GPSM2: variants seen among roughly 807,000 people sequenced by gnomAD.
GPSM2 encodes the protein G protein signaling modulator 2, also known as G protein-signaling modulator 2.
GPSM2 carries 58 observed loss-of-function variants against 78.4 expected under a neutral mutation model. The ratio of observed to expected loss-of-function variants is 0.74; its 90% confidence interval spans 0.60 to 0.92. The LOEUF (loss-of-function observed/expected upper bound fraction) is 0.92. GPSM2 is among the 40% of genes least tolerant of loss of function. GPSM2 has a pLI of 0.00. For missense variants in GPSM2, 700 were observed against 815.5 expected (o/e 0.86, Z 1.73); for synonymous variants, 224 against 280.2 (o/e 0.80, Z 2.00).
intron 1 of GPSM2, among the ~76,000 whole-genome samples, chr1:108,882,175 T>C (rs1197888366): frequency 6.6e-6 from 1 of 152,202 alleles, no homozygotes; most frequent in African/African-American, 2.4e-5. Context: ...GGTCTTGAAC[T>C]GTTGGTCTCA....
intron 2 of GPSM2, among the ~76,000 whole-genome samples, chr1:108,887,772 C>T (rs772241992): frequency 2.0e-5 from 3 of 152,168 alleles, no homozygotes; most frequent in Non-Finnish European, 4.4e-5. Context: ...TACCCCCATC[C>T]GTGTGTGGAG....
chr1:108,923,346 T>C (rs982002203), intron 13 of GPSM2, among the ~76,000 whole-genome samples: 1 of 152,014 alleles, frequency 6.6e-6, no homozygotes, highest in African/African-American at 2.4e-5. Context: ...AATATAACTT[T>C]TAAAAATAAA....
intron 2 of GPSM2, among the ~76,000 whole-genome samples, chr1:108,894,013 C>T (rs1327818632): frequency 2.0e-5 from 3 of 151,956 alleles, no homozygotes; most frequent in African/African-American, 7.3e-5. Context: ...CATTGCGCTC[C>T]AGCCTGGGTG....
chr1:108,897,843 G>A, intron 4 of GPSM2, 116 bp from the exon 5 acceptor site: 1 of 1,030,384 alleles, frequency 9.7e-7, no homozygotes, highest in Non-Finnish European at 1.5e-6. Flanking sequence ...GTTCTGTATG[G>A]AGAGCCAATA....
At chr1:108,886,164 G>C (rs1383724501) in intron 2 of GPSM2, among the ~76,000 whole-genome samples, 1 of 152,088 alleles carries the variant, frequency 6.6e-6, no homozygotes, top group African/African-American at 2.4e-5. Context: ...AGAGTAGCAG[G>C]AACTACAGGT....
At chr1:108,900,877 C>T (rs893194692) in intron 7 of GPSM2, among the ~76,000 whole-genome samples, 15 of 151,850 alleles carry the variant, frequency 9.9e-5, no homozygotes, top group Admixed American at 2.6e-4. Context: ...ATCACGTTAC[C>T]GCATAGTAAT....
In GPSM2 at chr1:108,898,677, G is replaced by A. The variant is rs371700490; in HGVS notation, c.593G>A (p.Arg198Gln). 34 of 1,613,526 alleles carry A rather than the reference G, an allele frequency of 2.1e-5. No homozygotes were observed. Among genetic ancestry groups the A allele is most frequent in the Middle Eastern group, 3.3e-4 (2 of 6,058 alleles). Reference sequence around the variant, plus strand: ...TCATTAGTGACTGCTTTGGGTGACCGAGCGGCACAAGGACGTGCCTTTGGA... The same window carrying A: ...TCATTAGTGACTGCTTTGGGTGACCAAGCGGCACAAGGACGTGCCTTTGGA... Reference protein sequence around the residue: ...NLSLVTALGDRAAQGRAFGNL... With the variant: ...NLSLVTALGDQAAQGRAFGNL... The change falls in exon 6 of 15, where the codon CGA (arginine) becomes CAA (glutamine). Residue 198 changes from arginine to glutamine, a missense_variant. Transcript: ENST00000264126.
At chr1:108,878,843 T>C (rs1369952147) in intron 1 of GPSM2, among the ~76,000 whole-genome samples, 1 of 152,236 alleles carries the variant, frequency 6.6e-6, no homozygotes, top group Non-Finnish European at 1.5e-5. Flanking sequence ...TTTAGGTAAG[T>C]GTCATTATGC....
chr1:108,929,591 C>A, intron 14 of GPSM2, 110 bp from the exon 15 acceptor site: 4 of 917,320 alleles, frequency 4.4e-6, no homozygotes, highest in Non-Finnish European at 5.3e-6. Flanking sequence ...TCTGAGAAGC[C>A]CCAAATAAAA....
At chr1:108,921,810 G>C (rs1410946584) in intron 12 of GPSM2, among the ~76,000 whole-genome samples, 1 of 151,780 alleles carries the variant, frequency 6.6e-6, no homozygotes, top group Non-Finnish European at 1.5e-5. Context: ...TCCTCCTCAG[G>C]CCCGTAACAT....
At chr1:108,909,336 A>C (rs1401644807) in intron 10 of GPSM2, among the ~76,000 whole-genome samples, 1 of 152,214 alleles carries the variant, frequency 6.6e-6, no homozygotes, top group Admixed American at 6.5e-5. Flanking sequence ...ACATTTACAG[A>C]AAACTGACAA....
chr1:108,882,512 AG>A (rs1011029444), intron 1 of GPSM2: 7 of 152,208 alleles, frequency 4.6e-5, no homozygotes, highest in Admixed American at 3.3e-4. Context: ...CATGTTCAGT[AG>A]AGACACAACT....
chr1:108,901,122 A>G (rs576813941), intron 7 of GPSM2, among the ~76,000 whole-genome samples: 7 of 152,332 alleles, frequency 4.6e-5, no homozygotes, highest in African/African-American at 1.7e-4. Context: ...ATAAGAAGAG[A>G]CTGGTATACA....
rs1192915307 is a variant in GPSM2, at chr1:108,929,768, A to G, written c.1883A>G (p.Asp628Gly). 1 of 1,613,772 alleles carries G rather than the reference A, an allele frequency of 6.2e-7. No homozygotes were observed. Among genetic ancestry groups the G allele is most frequent in the Admixed American group, 1.7e-5 (1 of 60,028 alleles). ...ACCACAAAGGGTCCGACAGTACCAG[A>G]TGAAGACTTTTTCAGCCTTATTTTA... ...PATTKGPTVPDEDFFSLILRS... is the reference protein window; with the variant it reads ...PATTKGPTVPGEDFFSLILRS... Residue 628 changes from aspartate (D) to glycine (G), a missense_variant, in exon 15 of 15, where the codon GAT (aspartate) becomes GGT (glycine). Coordinates refer to ENST00000264126, the MANE Select transcript of GPSM2 (RefSeq NM_013296.5).
Position 108,897,039 on chromosome 1 carries a change from T to A in GPSM2, c.232T>A (p.Tyr78Asn). The change falls in exon 3 of 15, where the codon TAT (tyrosine) becomes AAT (asparagine). Residue 78 changes from tyrosine to asparagine, a missense_variant. Tyr to Asn is a moderately radical substitution (Grantham distance 143). Coordinates refer to ENST00000264126, the MANE Select transcript of GPSM2 (RefSeq NM_013296.5). The stretch of plus-strand genomic sequence containing the variant: ...CAATGCTTATTTCTATTTGCATGAT[T>A]ATGCCAAAGCATTAGAATATCACCA... ...LGNAYFYLHD[Y>N]AKALEYHHHD... is the part of the protein sequence containing the mutation. 1 of 1,613,512 alleles carries A rather than the reference T, an allele frequency of 6.2e-7. No homozygotes were observed. Among genetic ancestry groups the A allele is most frequent in the East Asian group, 2.2e-5 (1 of 44,884 alleles).
In GPSM2 at chr1:108,931,642, A is replaced by AAAAGTT; in HGVS notation, c.*1703_*1704insAAGTTA. The AAAAGTT allele has an allele frequency of 3.8e-6, 4 of 1,064,302 alleles. No individual in the cohort carries two copies. Among genetic ancestry groups the AAAAGTT allele is most frequent in the Non-Finnish European group, 5.1e-6 (4 of 778,536 alleles). 65.9% of individuals were successfully genotyped at this position (1,064,302 alleles called of 1,614,324 possible). On this transcript the variant is annotated 3_prime_UTR_variant, in exon 15 of 15. Coordinates refer to ENST00000264126, the MANE Select transcript of GPSM2 (RefSeq NM_013296.5). The stretch of plus-strand genomic sequence containing the variant: ...AAGTGCTCAGCTAAAAAAAAAAAAA[A>AAAAGTT]AGTTCTAAATTACAACCTGGATTAC...
At chr1:108,880,913 G>A (rs1242353423) in intron 1 of GPSM2, among the ~76,000 whole-genome samples, 4 of 152,150 alleles carry the variant, frequency 2.6e-5, no homozygotes, top group Admixed American at 2.6e-4. Flanking sequence ...AGATAAATTC[G>A]AAGAAGCACA....
intron 1 of GPSM2, chr1:108,877,870 A>C (rs1665709480): frequency 6.6e-6 from 1 of 152,228 alleles, no homozygotes; most frequent in Non-Finnish European, 1.5e-5. Flanking sequence ...TTTAATAGTA[A>C]CCAGTTAGAG....
Position 108,897,029 on chromosome 1 carries a change from T to G in GPSM2, c.222T>G (p.Tyr74Ter), listed in dbSNP as rs767499792. ...IYSQLGNAYF[Y>*]LHDYAKALEY... is the part of the protein sequence containing the mutation. ...GCCAGTTGGGCAATGCTTATTTCTA[T>G]TTGCATGATTATGCCAAAGCATTAG... Residue 74 changes from tyrosine to a stop codon, truncating the protein, a stop_gained, in exon 3 of 15, where the codon TAT (tyrosine) becomes TAG (stop). Transcript: ENST00000264126. LOFTEE classifies it high-confidence loss of function. The G allele has an allele frequency of 6.2e-7, 1 of 1,613,842 alleles. No individual in the cohort carries two copies. Among genetic ancestry groups the G allele is most frequent in the Non-Finnish European group, 8.5e-7 (1 of 1,179,768 alleles).
Sources: gnomAD v4.1 joint callset for allele counts (sites outside exome capture counted in the v4.1 genomes callset) on GRCh38, gnomAD v4.1.1 for gene constraint, MANE v1.5 for transcripts, NCBI Gene and HGNC (gene_info 2026-07-23, HGNC 2026-07-21) for gene names.